Variants in TBC1D5 observed in about 807,000 individuals in gnomAD.
TBC1D5 encodes the protein TBC1 domain family, member 5.
Under a neutral mutation model 100.3 loss-of-function variants are expected in TBC1D5, and 75 were observed. The observed-to-expected ratio is 0.75, with a 90% CI of 0.62 to 0.91. The LOEUF (loss-of-function observed/expected upper bound fraction) is 0.91, where lower values mean the gene tolerates loss of function less well. Ranked by LOEUF, TBC1D5 falls within the 40% of genes least tolerant of loss-of-function variation. The probability of loss-of-function intolerance (pLI) is 0.00; values close to 1 mark genes in which losing one functional copy is unlikely to be tolerated. For synonymous variants in TBC1D5, 323 were observed against 325.6 expected, an observed-to-expected ratio of 0.99 and a Z score of 0.09; for missense variants, 910 against 942.4, an observed-to-expected ratio of 0.97 and a Z score of 0.45.
chr3:17,225,451 A>C (rs544916983), intron 17 of TBC1D5, among the ~76,000 whole-genome samples: 7 of 151,008 alleles, frequency 4.6e-5, no homozygotes, highest in Non-Finnish European at 8.9e-5. Context: ...AAAAAAAAAA[A>C]AAAAACAAAA....
intron 17 of TBC1D5, among the ~76,000 whole-genome samples, chr3:17,230,753 CATTTTATGTTAATACCT>C (rs1688333199): frequency 1.3e-5 from 2 of 151,956 alleles, no homozygotes; most frequent in South Asian, 4.1e-4. Context: ...CCTAATGGTC[CATTTTATGTTAATACCT>C]AAATCTAGTC....
intron 4 of TBC1D5, among the ~76,000 whole-genome samples, chr3:17,421,738 A>G (rs1228349147): frequency 6.6e-6 from 1 of 152,232 alleles, no homozygotes; most frequent in African/African-American, 2.4e-5. Flanking sequence ...AGATGAGGTA[A>G]TTAAGAATCA....
At chr3:17,581,020 CCCA>C (rs1461946980) in intron 2 of TBC1D5, among the ~76,000 whole-genome samples, 2 of 152,138 alleles carry the variant, frequency 1.3e-5, no homozygotes, top group East Asian at 3.9e-4. Flanking sequence ...TCCCATAATC[CCCA>C]CGTGTCGTGG....
chr3:17,364,199 T>C (rs868291993), intron 13 of TBC1D5, among the ~76,000 whole-genome samples: 4 of 152,194 alleles, frequency 2.6e-5, no homozygotes, highest in South Asian at 2.1e-4. Flanking sequence ...TTACTTGATG[T>C]TCCTTAAAAT....
Position 17,643,515 on chromosome 3 carries a change from C to T in TBC1D5, c.-100-19602G>A, listed in dbSNP as rs62248281. 8.6e-3 allele frequency among the ~76,000 whole-genome samples: 1,314 copies of T among 152,156 alleles called. 7 individuals are homozygous for T. The highest frequency in any genetic ancestry group is 0.02 in the Middle Eastern group (6 of 294). On this transcript the variant is annotated intron_variant, in intron 1 of 21. Coordinates refer to ENST00000253692, the Ensembl canonical transcript of TBC1D5. ...TGAGTCTTGCCTGCAACAATTATTACGGTGGTGTTTGCCTCATGGTGATTT... is the reference window on the plus strand; with the variant it reads ...TGAGTCTTGCCTGCAACAATTATTATGGTGGTGTTTGCCTCATGGTGATTT...
At chr3:17,516,480 T>G (rs954598455) in intron 2 of TBC1D5, among the ~76,000 whole-genome samples, 2 of 152,184 alleles carry the variant, frequency 1.3e-5, no homozygotes, top group African/African-American at 4.8e-5. Context: ...AATAAATGAT[T>G]AATGTTTTGA....
At chr3:17,659,414 T>C (rs1417547676) in intron 1 of TBC1D5, among the ~76,000 whole-genome samples, 2 of 152,054 alleles carry the variant, frequency 1.3e-5, no homozygotes, top group African/African-American at 4.8e-5. Flanking sequence ...CAACAACACC[T>C]GTTAGATGTT....
Position 17,260,587 on chromosome 3 carries a change from C to T in TBC1D5, c.1246-1996G>A, listed in dbSNP as rs2078189191. Among the ~76,000 whole-genome samples the T allele has an allele frequency of 3.3e-5, 5 of 152,134 alleles. No individual in the cohort carries two copies. The South Asian group carries it at 1.0e-3, about 32-fold the overall frequency. On this transcript the variant is annotated intron_variant, in intron 15 of 21. Coordinates refer to ENST00000253692, the Ensembl canonical transcript of TBC1D5. ...AGAATCAAAAGATGATGTTGAAAAA[C>T]AGCATTTGAAATGTGAAGAAAATAA...
chr3:17,225,551 C>T (rs2074793419), intron 17 of TBC1D5, among the ~76,000 whole-genome samples: 1 of 151,964 alleles, frequency 6.6e-6, no homozygotes, highest in Admixed American at 6.6e-5. Context: ...CCTGTAATTT[C>T]AGCACTCTGG....
chr3:17,312,708 G>A (rs563044952), intron 13 of TBC1D5, among the ~76,000 whole-genome samples: 1 of 152,162 alleles, frequency 6.6e-6, no homozygotes, highest in Admixed American at 6.5e-5. Context: ...CCAAAAATAA[G>A]TTCCTAATAA....
rs149788759 is a variant in TBC1D5 at position 17,190,817 on chromosome 3, C to T, written c.1753-5609G>A. 9.1e-3 allele frequency among the ~76,000 whole-genome samples: 1,388 copies of T among 152,090 alleles called. 23 individuals are homozygous for T. Among genetic ancestry groups the T allele is most frequent in the African/African-American group, 0.031 (1,296 of 41,466 alleles). On this transcript the variant is annotated intron_variant, in intron 18 of 21. Transcript: ENST00000253692. ...ATCACAAGAGAAGCAGACAAGGGAA[C>T]CAACACTAACTGTAGGCAGCAGGAA...
chr3:17,438,171 GC>G (rs942898104), intron 3 of TBC1D5, among the ~76,000 whole-genome samples: 49 of 152,160 alleles, frequency 3.2e-4, no homozygotes, highest in African/African-American at 1.2e-3. Context: ...TGCTAATGCT[GC>G]ATTTTAGACA....
chr3:17,671,698 G>C (rs1488674517), intron 1 of TBC1D5, among the ~76,000 whole-genome samples: 1 of 152,148 alleles, frequency 6.6e-6, no homozygotes. Context: ...CCCCAAATGT[G>C]ATAATGATGT....
chr3:17,227,791 C>T (rs187376097), intron 17 of TBC1D5, among the ~76,000 whole-genome samples: 1 of 151,660 alleles, frequency 6.6e-6, no homozygotes, highest in Admixed American at 6.6e-5. Flanking sequence ...TAGCAAACCC[C>T]CATGCCACAC....
chr3:17,691,746 G>A (rs2071197613), intron 1 of TBC1D5, among the ~76,000 whole-genome samples: 1 of 151,890 alleles, frequency 6.6e-6, no homozygotes, highest in African/African-American at 2.4e-5. Context: ...GAACCCGTGA[G>A]GCGGAGGTTG....
At chr3:17,181,687 A>T (rs922234508) in intron 19 of TBC1D5, among the ~76,000 whole-genome samples, 1 of 152,148 alleles carries the variant, frequency 6.6e-6, no homozygotes, top group Non-Finnish European at 1.5e-5. Flanking sequence ...AGTTACATGC[A>T]CTGAAGCCAT....
chr3:17,524,242 C>G (rs993425598), intron 2 of TBC1D5, among the ~76,000 whole-genome samples: 5 of 152,052 alleles, frequency 3.3e-5, no homozygotes, highest in African/African-American at 1.2e-4. Flanking sequence ...AATTTTTCAC[C>G]TATCAGAATG....
intron 15 of TBC1D5, among the ~76,000 whole-genome samples, chr3:17,264,419 A>T (rs950425565): frequency 3.9e-5 from 6 of 152,358 alleles, no homozygotes; most frequent in African/African-American, 1.2e-4. Context: ...TTTGAACAGC[A>T]GAGTATATTT....
chr3:17,326,913 T>G (rs2151060728), intron 13 of TBC1D5, among the ~76,000 whole-genome samples: 1 of 152,346 alleles, frequency 6.6e-6, no homozygotes, highest in East Asian at 1.9e-4. Flanking sequence ...GAGTCTTCAT[T>G]GATTTCCCTT....
Sources: allele counts gnomAD v4.1 joint callset (sites outside exome capture counted in the v4.1 genomes callset), GRCh38; gene constraint gnomAD v4.1.1; transcripts MANE v1.5; gene names NCBI Gene and HGNC (gene_info 2026-07-23, HGNC 2026-07-21).